Variants in RABGAP1L observed in about 807,000 individuals in gnomAD.
The protein encoded by RABGAP1L is RAB GTPase activating protein 1 like.
A neutral mutation model predicts 137.7 loss-of-function variants in RABGAP1L; 63 were observed. The observed-to-expected ratio is 0.46, with a 90% CI of 0.37 to 0.56. The LOEUF (loss-of-function observed/expected upper bound fraction) is 0.56, where lower values mean the gene tolerates loss of function less well. Among genes scored for constraint, RABGAP1L ranks in the 20% least tolerant of loss-of-function variants. The pLI is 0.00. For synonymous variants in RABGAP1L, 431 were observed against 433.7 expected (o/e 0.99, Z 0.08); for missense variants, 1,095 against 1,244.0 (o/e 0.88, Z 1.80).
chr1:174,216,528 G>A lies in RABGAP1L; in HGVS notation c.-33-2597G>A, dbSNP rs149623219. Among the ~76,000 whole-genome samples the A allele has an allele frequency of 1.0e-3, 156 of 150,326 alleles. No individual in the cohort carries two copies. The East Asian group carries it at 0.022, about 21-fold the overall frequency. ...AAGTAGTGCCATTACCTTGTAACAG[G>A]ATATTTCCAATTCCTCCCTCTCTCC... On this transcript the variant is annotated intron_variant, in intron 1 of 25. Transcript: ENST00000681986.
chr1:174,232,557 G>T (rs935438760), intron 4 of RABGAP1L, among the ~76,000 whole-genome samples: 10 of 151,794 alleles, frequency 6.6e-5, no homozygotes, highest in Admixed American at 2.0e-4. Context: ...GCCGAGGTGG[G>T]TGGATCACGA....
chr1:174,281,459 G>A (rs1675538755), intron 10 of RABGAP1L, among the ~76,000 whole-genome samples: 1 of 152,194 alleles, frequency 6.6e-6, no homozygotes, highest in South Asian at 2.1e-4. Context: ...GCTAGACAGA[G>A]TGCTGATTGG....
At chr1:174,871,091 G>T (rs1652115636) in intron 19 of RABGAP1L, among the ~76,000 whole-genome samples, 2 of 151,634 alleles carry the variant, frequency 1.3e-5, no homozygotes, top group Admixed American at 1.3e-4. Context: ...TGTATTACTA[G>T]ATTACAAAAT....
At chr1:174,863,083 G>A (rs1384308882) in intron 19 of RABGAP1L, among the ~76,000 whole-genome samples, 1 of 150,570 alleles carries the variant, frequency 6.6e-6, no homozygotes, top group Non-Finnish European at 1.5e-5. Flanking sequence ...TAGTAGAGAC[G>A]GGGTTTCACC....
At chr1:174,683,725 T>C (rs1017079106) in intron 15 of RABGAP1L, 129 bp downstream of exon 15, 3 of 632,416 alleles carry the variant, frequency 4.7e-6, no homozygotes, top group Non-Finnish European at 7.9e-6. Flanking sequence ...TTTTTTAAAA[T>C]GTACGTTAGG....
chr1:174,343,234 A>G (rs1682139226), intron 11 of RABGAP1L, among the ~76,000 whole-genome samples: 1 of 152,112 alleles, frequency 6.6e-6, no homozygotes, highest in Non-Finnish European at 1.5e-5. Flanking sequence ...AGGGTCCTAT[A>G]ATCATTTTCC....
chr1:174,383,150 C>G (rs200838272), intron 12 of RABGAP1L, among the ~76,000 whole-genome samples: 1 of 150,562 alleles, frequency 6.6e-6, no homozygotes, highest in African/African-American at 2.5e-5. Context: ...TGCCCGTTCT[C>G]AGATCTCCAG....
chr1:174,531,285 C>T (rs912121456), intron 13 of RABGAP1L, among the ~76,000 whole-genome samples: 2 of 151,914 alleles, frequency 1.3e-5, no homozygotes, highest in African/African-American at 4.8e-5. Flanking sequence ...TGTAGTTCAC[C>T]AAGTATATAT....
intron 19 of RABGAP1L, among the ~76,000 whole-genome samples, chr1:174,910,518 T>C (rs1217802786): frequency 1.3e-5 from 2 of 152,130 alleles, no homozygotes; most frequent in Non-Finnish European, 2.9e-5. Flanking sequence ...GATGCCCACT[T>C]ATACCACTTT....
chr1:174,785,343 C>T (rs1011873589), intron 18 of RABGAP1L, among the ~76,000 whole-genome samples: 3 of 152,166 alleles, frequency 2.0e-5, no homozygotes, highest in East Asian at 1.9e-4. Flanking sequence ...GGATTACAGG[C>T]GTGAGCCACT....
chr1:174,672,607 C>G (rs1677268090), intron 14 of RABGAP1L, among the ~76,000 whole-genome samples: 1 of 151,610 alleles, frequency 6.6e-6, no homozygotes, highest in Non-Finnish European at 1.5e-5. Flanking sequence ...TGTAATTTTC[C>G]CTCTCAAACT....
Position 174,207,033 on chromosome 1 carries a change from A to C in RABGAP1L, c.-33-12092A>C, listed in dbSNP as rs551064624. Among the ~76,000 whole-genome samples the C allele has an allele frequency of 9.9e-5, 15 of 152,260 alleles. 1 individual carries two copies. In the South Asian group the frequency reaches 2.5e-3, roughly 25 times the overall value. On this transcript the variant is annotated intron_variant, in intron 1 of 25. Transcript: ENST00000681986. ...AGGGGATGGATAGAAGAAACAAAAC[A>C]CTGATACATACCAGATTTTCTATAA...
intron 11 of RABGAP1L, among the ~76,000 whole-genome samples, chr1:174,318,717 A>G (rs1335923070): frequency 1.4e-5 from 2 of 147,108 alleles, no homozygotes; most frequent in East Asian, 2.0e-4. Context: ...TTATAATGGC[A>G]TACTTTATTT....
chr1:174,743,332 C>T (rs1257493769), intron 17 of RABGAP1L, among the ~76,000 whole-genome samples: 1 of 151,992 alleles, frequency 6.6e-6, no homozygotes, highest in Non-Finnish European at 1.5e-5. Context: ...TTTGAGAGAC[C>T]TGAAGGTCCT....
chr1:174,899,198 AAAC>A, intron 19 of RABGAP1L, among the ~76,000 whole-genome samples: 1 of 145,140 alleles, frequency 6.9e-6, no homozygotes, highest in South Asian at 2.2e-4. Context: ...TTTCGGGAGA[AAAC>A]AAACAAACAA....
intron 12 of RABGAP1L, among the ~76,000 whole-genome samples, chr1:174,373,645 A>C (rs1356888835): frequency 6.6e-6 from 1 of 152,178 alleles, no homozygotes; most frequent in Non-Finnish European, 1.5e-5. Flanking sequence ...GGAGGACCAC[A>C]TCATTGGTGC....
chr1:174,599,613 GT>G (rs1395369466), intron 13 of RABGAP1L, among the ~76,000 whole-genome samples: 1 of 151,692 alleles, frequency 6.6e-6, no homozygotes, highest in Admixed American at 6.6e-5. Context: ...CTGGATAAAA[GT>G]TTTTTTTTCC....
chr1:174,712,189 G>C (rs1482081334), intron 17 of RABGAP1L, among the ~76,000 whole-genome samples: 1 of 152,176 alleles, frequency 6.6e-6, no homozygotes, highest in African/African-American at 2.4e-5. Flanking sequence ...CAATCAGCAG[G>C]ATGTGGGTGG....
intron 13 of RABGAP1L, among the ~76,000 whole-genome samples, chr1:174,528,876 G>A (rs1664149273): frequency 6.6e-6 from 1 of 151,188 alleles, no homozygotes; most frequent in Admixed American, 6.6e-5. Context: ...TATCACAAAT[G>A]TTTCACTCAT....
Sources: gnomAD v4.1 joint callset for allele counts (sites outside exome capture counted in the v4.1 genomes callset) on GRCh38, gnomAD v4.1.1 for gene constraint, MANE v1.5 for transcripts, NCBI Gene and HGNC (gene_info 2026-07-23, HGNC 2026-07-21) for gene names.